The following GNAS variants were observed in gnomAD, a reference collection of about 807,000 sequenced individuals.
GNAS encodes the protein GNAS complex locus.
Under a neutral mutation model 54.5 loss-of-function variants are expected in GNAS, and 8 were observed. The observed-to-expected ratio is 0.15, with a 90% CI of 0.09 to 0.26. The LOEUF is 0.26. Ranked by LOEUF, GNAS falls within the 10% of genes least tolerant of loss-of-function variation. The pLI, the probability that GNAS is intolerant of heterozygous loss-of-function variation, is 1.00. For missense variants in GNAS, 170 were observed against 529.8 expected (o/e 0.32, Z 6.67); for synonymous variants, 204 against 191.4 (o/e 1.07, Z -0.54).
intron 1 of GNAS, among the ~76,000 whole-genome samples, chr20:58,868,785 G>A (rs2087232125): frequency 6.6e-6 from 1 of 152,110 alleles, no homozygotes; most frequent in African/African-American, 2.4e-5. Flanking sequence ...GACTTTCTGA[G>A]CAGGAACTAC....
intron 3 of GNAS, among the ~76,000 whole-genome samples, chr20:58,901,360 G>A (rs1050048001): frequency 3.3e-5 from 5 of 152,256 alleles, no homozygotes; most frequent in East Asian, 1.9e-4. Flanking sequence ...GCAGACAGTC[G>A]CACAGAGCGG....
At chr20:58,889,237 C>A, upstream of GNAS, 1 of 730,848 alleles carries the variant, frequency 1.4e-6, no homozygotes, top group South Asian at 3.3e-5. Context: ...GCGGCGCTCC[C>A]CTGCTCTCTG....
chr20:58,853,593 A>G lies in GNAS; in HGVS notation c.43+12707A>G. ...AATGCCCTTCGAGGCTGAACAGCCC[A>G]GCTTGGGAGGCTTCTGGCCTACACT... On this transcript the variant is annotated intron_variant, in intron 1 of 12. Transcript: ENST00000306090. This position sits in a 1 kb window ranked among gnomAD's most constrained non-coding sequence, Gnocchi z 4.4. The G allele has an allele frequency of 6.2e-7, 1 of 1,613,346 alleles. No homozygotes were observed.
Position 58,853,852 on chromosome 20 carries a change from G to C in GNAS, c.43+12966G>C. 1 of 1,594,878 alleles carries C rather than the reference G, an allele frequency of 6.3e-7. No homozygotes were observed. Among genetic ancestry groups the C allele is most frequent in the South Asian group, 1.1e-5 (1 of 88,624 alleles). On this transcript the variant is annotated intron_variant, in intron 1 of 12. Coordinates refer to the GNAS transcript ENST00000306090. This position sits in a 1 kb window ranked among gnomAD's most constrained non-coding sequence, Gnocchi z 4.4. Reference sequence around the variant, plus strand: ...GGCCCAGGTGCTGCAGGGGTCCCCGGAGCTCCTCCCGAGGAGCCCCAAGCC... The same window carrying C: ...GGCCCAGGTGCTGCAGGGGTCCCCGCAGCTCCTCCCGAGGAGCCCCAAGCC...
At position 58,841,957 on chromosome 20, in the gene GNAS, G is replaced by C. The variant is rs747997073; in HGVS notation, c.43+1071G>C. On this transcript the variant is annotated intron_variant, in intron 1 of 12. Transcript: ENST00000306090. The surrounding 1 kb of genome is among the most constrained non-coding windows in gnomAD (Gnocchi z 5.0). ...CTTACAATTCGTTTCCAAAGAGCGC[G>C]GTACGCGCAGAGCTGGGGAAAGGTG... is the stretch of plus-strand genomic sequence containing the variant. 5.0e-5 allele frequency: 57 copies of C among 1,132,714 alleles called. No individual in the cohort carries two copies. The highest frequency in any genetic ancestry group is 6.4e-5 in the East Asian group (2 of 31,212). 70.2% of individuals were successfully genotyped at this position (1,132,714 alleles called of 1,614,324 possible). A position where few individuals can be genotyped will look rare whatever the true frequency, so the allele number is the denominator to read the frequency against.
Position 58,891,637 on chromosome 20 carries a change from G to A in GNAS, c.-90G>A, listed in dbSNP as rs1404142495. The A allele has an allele frequency of 1.6e-5, 15 of 964,530 alleles. No individual in the cohort carries two copies. The highest frequency in any genetic ancestry group is 1.7e-5 in the Non-Finnish European group (14 of 820,638). The allele number at this position is 964,530 out of a possible 1,614,324, so 59.7% of individuals were successfully genotyped here. A position where few individuals can be genotyped will look rare whatever the true frequency, so the allele number is the denominator to read the frequency against. ...GAGCCCGCGCCCGGCCCGCCCGCCC[G>A]GCGCTGCCCCGGCCCTCCCGGCCCG... On this transcript the variant is annotated 5_prime_UTR_variant, in exon 1 of 13. Coordinates refer to ENST00000371085, the MANE Select transcript of GNAS (RefSeq NM_000516.7).
Position 58,841,681 on chromosome 20 carries a change from G to A in GNAS, c.43+795G>A, listed in dbSNP as rs1037535089. The A allele has an allele frequency of 8.4e-7, 1 of 1,184,060 alleles. No individual in the cohort carries two copies. The highest frequency in any genetic ancestry group is 1.0e-6 in the Non-Finnish European group (1 of 957,374). 73.3% of individuals were successfully genotyped at this position (1,184,060 alleles called of 1,614,324 possible). A position where few individuals can be genotyped will look rare whatever the true frequency, so the allele number is the denominator to read the frequency against. On this transcript the variant is annotated intron_variant, in intron 1 of 12. Coordinates refer to the GNAS transcript ENST00000306090. This position sits in a 1 kb window ranked among gnomAD's most constrained non-coding sequence, Gnocchi z 5.0. ...GGGGAAAGTACCTGGGGGAAAGGTA[G>A]AGGAGGTAAGGGGACCCTTGGGGAT... is the stretch of plus-strand genomic sequence containing the variant.
intron 1 of GNAS, among the ~76,000 whole-genome samples, chr20:58,875,089 G>A (rs1475427579): frequency 6.6e-6 from 1 of 152,116 alleles, no homozygotes; most frequent in Non-Finnish European, 1.5e-5. Flanking sequence ...AATAAGACAA[G>A]GGAAGGTTGT....
rs1242770854 is a variant in GNAS at position 58,910,954 on chromosome 20, A to C, written c.*125A>C. ...ACAAAGCAACCTTTCCCTTCCCCCG[A>C]GTGATTTTGCGAAACCCCCTTTTCC... is the stretch of plus-strand genomic sequence containing the variant. On this transcript the variant is annotated 3_prime_UTR_variant, in exon 13 of 13. Coordinates refer to ENST00000371085, the MANE Select transcript of GNAS (RefSeq NM_000516.7). This position sits in a 1 kb window ranked among gnomAD's most constrained non-coding sequence, Gnocchi z 5.8. 3.0e-6 allele frequency: 3 copies of C among 996,336 alleles called. No individual in the cohort carries two copies. In the Admixed American group the frequency reaches 5.8e-5, roughly 19 times the overall value. The allele number at this position is 996,336 out of a possible 1,614,324, so 61.7% of individuals were successfully genotyped here.
chr20:58,841,714 C>T lies in GNAS; in HGVS notation c.43+828C>T. 1 of 1,217,358 alleles carries T rather than the reference C, an allele frequency of 8.2e-7. No homozygotes were observed. The highest frequency in any genetic ancestry group is 1.6e-5 in the African/African-American group (1 of 64,252). The allele number at this position is 1,217,358 out of a possible 1,614,324, so 75.4% of individuals were successfully genotyped here. A position where few individuals can be genotyped will look rare whatever the true frequency, so the allele number is the denominator to read the frequency against. ...AAGGGGACCCTTGGGGATGCCCCTA[C>T]GGGCTACCAGGGTTGAACGCACAGG... On this transcript the variant is annotated intron_variant, in intron 1 of 12. Coordinates refer to the GNAS transcript ENST00000306090. The surrounding 1 kb of genome is among the most constrained non-coding windows in gnomAD (Gnocchi z 5.0).
intron 3 of GNAS, chr20:58,899,509 C>A: frequency 1.8e-6 from 1 of 542,610 alleles, no homozygotes; most frequent in Non-Finnish European, 3.6e-6. Context: ...AAGCCTCTGG[C>A]CTTTTAAAAA....
At chr20:58,892,062 C>T (rs1341906421) in intron 1 of GNAS, 197 bp downstream of exon 1, 4 of 899,650 alleles carry the variant, frequency 4.4e-6, no homozygotes, top group South Asian at 1.0e-4. Flanking sequence ...GGCTCAAAAA[C>T]GGGGCGGGGG....
At chr20:58,900,179 CA>C (rs2090479263) in intron 3 of GNAS, 1 of 575,460 alleles carries the variant, frequency 1.7e-6, no homozygotes, top group Non-Finnish European at 3.1e-6. Context: ...GACAACTATC[CA>C]AAAAGGCATC....
upstream of GNAS, chr20:58,840,644 C>T (rs1361826069): frequency 1.9e-6 from 3 of 1,606,762 alleles, no homozygotes; most frequent in Non-Finnish European, 2.5e-6. This position sits in a 1 kb window ranked among gnomAD's most constrained non-coding sequence, Gnocchi z 6.0. Context: ...TCGCGCGCCG[C>T]CCAGCACTCA....
chr20:58,851,197 T>G (rs2145542963), intron 1 of GNAS, among the ~76,000 whole-genome samples: 1 of 152,292 alleles, frequency 6.6e-6, no homozygotes, highest in East Asian at 1.9e-4. Context: ...TTTCCCAGGG[T>G]CCAACTGTGT....
At chr20:58,892,129 C>G in intron 1 of GNAS, 6 of 965,648 alleles carry the variant, frequency 6.2e-6, no homozygotes, top group Non-Finnish European at 7.4e-6. Flanking sequence ...CAGTGTCTCT[C>G]TCTTGCTCTC....
intron 1 of GNAS, among the ~76,000 whole-genome samples, chr20:58,864,956 CAA>C (rs1491213177): frequency 1.3e-5 from 2 of 150,488 alleles, no homozygotes; most frequent in African/African-American, 2.5e-5. Context: ...CACACACACA[CAA>C]ACACACACGC....
chr20:58,880,703 C>T (rs1415862254), intron 1 of GNAS, among the ~76,000 whole-genome samples: 2 of 152,080 alleles, frequency 1.3e-5, no homozygotes, highest in Non-Finnish European at 2.9e-5. Context: ...TTTTCCCTTG[C>T]ATTTGCATAT....
chr20:58,859,628 CTTTT>C (rs527301154), intron 1 of GNAS, among the ~76,000 whole-genome samples: 1 of 138,838 alleles, frequency 7.2e-6, no homozygotes. Flanking sequence ...ATATCAGACA[CTTTT>C]TTTTTTTTTT....
Sources: gnomAD v4.1 joint callset for allele counts (sites outside exome capture counted in the v4.1 genomes callset) on GRCh38, gnomAD v4.1.1 for gene constraint, Gnocchi (gnomAD v3.1) non-coding constraint, MANE v1.5 for transcripts, NCBI Gene and HGNC (gene_info 2026-07-23, HGNC 2026-07-21) for gene names.